CTIF: variants seen among roughly 807,000 people sequenced by gnomAD.
The protein encoded by CTIF is CBP80/20-dependent translation initiation factor.
Under a neutral mutation model 66.0 loss-of-function variants are expected in CTIF, and 21 were observed. The observed-to-expected ratio is 0.32, with a 90% CI of 0.23 to 0.46. The LOEUF is 0.46. CTIF is among the 20% of genes least tolerant of loss of function. The pLI is 1.00. For synonymous variants in CTIF, 345 were observed against 326.4 expected (o/e 1.06, Z -0.62); for missense variants, 739 against 812.7 (o/e 0.91, Z 1.10).
rs372229702 is a variant in CTIF, at chr18:48,817,368, C to T, written c.1519C>T (p.Leu507Phe). Residue 507 changes from leucine (L) to phenylalanine (F), a missense_variant, in exon 10 of 12, where the codon CTC becomes TTC. By Grantham distance (22) the Leu-to-Phe change is conservative. This residue lies in a region of CTIF where 210 missense variants were observed against 292.3 expected (regional missense o/e 0.72). Transcript: ENST00000256413. Reference protein sequence around the residue: ...RVLVCPIYTCLRELLQSQDVK... With the variant: ...RVLVCPIYTCFRELLQSQDVK... ...GCTCGTGTGCCCCATCTACACCTGC[C>T]TCAGGGAGGTAAGAGACCTGCCGCC... The T allele has an allele frequency of 4.7e-5, 76 of 1,611,048 alleles. No individual in the cohort carries two copies. Among genetic ancestry groups the T allele is most frequent in the Non-Finnish European group, 6.2e-5 (73 of 1,178,724 alleles).
chr18:48,605,251 T>C (rs1461263276), intron 1 of CTIF, among the ~76,000 whole-genome samples: 2 of 152,202 alleles, frequency 1.3e-5, no homozygotes, highest in Non-Finnish European at 2.9e-5. Context: ...CCATGAGCAG[T>C]GTTTGAGGAC....
At chr18:48,628,893 T>C (rs2090650391) in intron 2 of CTIF, among the ~76,000 whole-genome samples, 1 of 152,236 alleles carries the variant, frequency 6.6e-6, no homozygotes, top group South Asian at 2.1e-4. Context: ...GGATAGAGAA[T>C]GAGCTGCCAG....
At chr18:48,610,938 A>G (rs2090296936) in intron 1 of CTIF, among the ~76,000 whole-genome samples, 1 of 152,196 alleles carries the variant, frequency 6.6e-6, no homozygotes, top group African/African-American at 2.4e-5. Flanking sequence ...TAACTGCCTG[A>G]TGTTGATGAT....
intron 7 of CTIF, among the ~76,000 whole-genome samples, chr18:48,748,235 C>A (rs934440097): frequency 1.3e-5 from 2 of 152,062 alleles, no homozygotes; most frequent in Non-Finnish European, 2.9e-5. Context: ...TCTGCTCAAC[C>A]TCTCCCAAGG....
rs544788658 is a variant in CTIF, at chr18:48,818,740, C to CA, written c.1527+1365dup. 3.9e-3 allele frequency among the ~76,000 whole-genome samples: 600 copies of CA among 152,190 alleles called. 20 individuals carry two copies. The highest frequency in any genetic ancestry group is 0.036 in the Admixed American group (553 of 15,290). On this transcript the variant is annotated intron_variant, in intron 10 of 11. Transcript: ENST00000256413. Reference sequence around the variant, plus strand: ...CCTCCCCCATGTTGTACCCTCCCACCACCGGCAGGCCTCTGCAGGGGCTAC... The same window carrying CA: ...CCTCCCCCATGTTGTACCCTCCCACCAACCGGCAGGCCTCTGCAGGGGCTAC...
intron 7 of CTIF, among the ~76,000 whole-genome samples, chr18:48,741,064 A>G (rs1598959643): frequency 6.6e-6 from 1 of 152,240 alleles, no homozygotes; most frequent in South Asian, 2.1e-4. Flanking sequence ...ATGATTGAAT[A>G]AGCACATTTG....
intron 7 of CTIF, chr18:48,756,329 A>G (rs149962215): frequency 6.6e-6 from 1 of 152,244 alleles, no homozygotes; most frequent in Non-Finnish European, 1.5e-5. Flanking sequence ...CAGTGAAAAA[A>G]AAAATTTTAT....
At chr18:48,685,049 T>C (rs1300278319) in intron 6 of CTIF, among the ~76,000 whole-genome samples, 1 of 148,140 alleles carries the variant, frequency 6.8e-6, no homozygotes, top group African/African-American at 2.5e-5. Context: ...TTTTTTTTGG[T>C]TTAGAACCTA....
rs367919676 is a variant in CTIF, at chr18:48,779,520, A to T, written c.1371+17831A>T. Among the ~76,000 whole-genome samples, 4 of 152,334 alleles carry T rather than the reference A, an allele frequency of 2.6e-5. No homozygotes were observed. The East Asian group carries it at 7.7e-4, about 29-fold the overall frequency. ...AGTTATAAGGCTGAGGAGAGGTGAC[A>T]GGGAAACGAGATAAGAAACATGCCA... is the stretch of plus-strand genomic sequence containing the variant. On this transcript the variant is annotated intron_variant, in intron 9 of 11. Coordinates refer to ENST00000256413, the MANE Select transcript of CTIF (RefSeq NM_014772.3).
At chr18:48,794,385 G>C (rs1368645200) in intron 9 of CTIF, among the ~76,000 whole-genome samples, 1 of 152,122 alleles carries the variant, frequency 6.6e-6, no homozygotes, top group Non-Finnish European at 1.5e-5. Flanking sequence ...CCAGATCTAA[G>C]GGCCATCTGC....
At chr18:48,836,299 A>G (rs1040587584) in intron 10 of CTIF, among the ~76,000 whole-genome samples, 1 of 152,120 alleles carries the variant, frequency 6.6e-6, no homozygotes, top group Non-Finnish European at 1.5e-5. Flanking sequence ...CAGCCCCCAG[A>G]GAGGCCCTGG....
chr18:48,803,070 C>T (rs979845295), intron 9 of CTIF, among the ~76,000 whole-genome samples: 1 of 152,256 alleles, frequency 6.6e-6, no homozygotes, highest in African/African-American at 2.4e-5. Context: ...CTCTCTGCTG[C>T]AACCCAGCGC....
chr18:48,787,645 A>G (rs2146106253), intron 9 of CTIF, among the ~76,000 whole-genome samples: 1 of 152,224 alleles, frequency 6.6e-6, no homozygotes, highest in Admixed American at 6.5e-5. Context: ...CCCTCCTGAG[A>G]AGGAAGAAGA....
rs146209550 is a variant in CTIF, at chr18:48,818,242, G to A, written c.1527+866G>A. ...AGCCGAGTGGGGCTGCTTAGGCTGC[G>A]CAGCAAGAGGTTGGTGGCTTGGAAG... On this transcript the variant is annotated intron_variant, in intron 10 of 11. Transcript: ENST00000256413. Among the ~76,000 whole-genome samples, 47 of 152,340 alleles carry A rather than the reference G, an allele frequency of 3.1e-4. No homozygotes were observed. The East Asian group carries it at 6.2e-3, about 20-fold the overall frequency.
intron 1 of CTIF, among the ~76,000 whole-genome samples, chr18:48,560,911 A>G (rs1006474155): frequency 6.6e-6 from 1 of 152,056 alleles, no homozygotes; most frequent in African/African-American, 2.4e-5. Flanking sequence ...GTTTAGATTC[A>G]TCTTCTACTT....
At position 48,739,273 on chromosome 18, in the gene CTIF, G is replaced by T. The variant is rs1448492088; in HGVS notation, c.585-18646G>T. ...GGCAGAGTTAGCACAGGCCACAGTG[G>T]GTTATTGAGGGAAACTGGGGTGTCA... On this transcript the variant is annotated intron_variant, in intron 7 of 11. Coordinates refer to ENST00000256413, the MANE Select transcript of CTIF (RefSeq NM_014772.3). 2.6e-5 allele frequency among the ~76,000 whole-genome samples: 4 copies of T among 152,288 alleles called. No individual in the cohort carries two copies. The East Asian group carries it at 7.7e-4, about 29-fold the overall frequency.
rs565542325 is a variant in CTIF, at chr18:48,590,255, C to T, written c.-28-29283C>T. ...TGCTGCTCTGGGGCCACACTGGATG[C>T]CAGAAAGGGCAGAACACTGGCCCGG... On this transcript the variant is annotated intron_variant, in intron 1 of 11. Coordinates refer to ENST00000256413, the MANE Select transcript of CTIF (RefSeq NM_014772.3). Among the ~76,000 whole-genome samples, 3 of 152,304 alleles carry T rather than the reference C, an allele frequency of 2.0e-5. No homozygotes were observed. The South Asian group carries it at 6.2e-4, about 32-fold the overall frequency.
intron 7 of CTIF, among the ~76,000 whole-genome samples, chr18:48,748,101 T>C (rs1377949409): frequency 6.6e-6 from 1 of 152,104 alleles, no homozygotes; most frequent in Non-Finnish European, 1.5e-5. Context: ...TCTCAGCTAT[T>C]CCTACTAGAT....
At chr18:48,636,536 C>T (rs1185985533) in intron 2 of CTIF, 78 bp from the exon 3 acceptor site, 3 of 1,090,086 alleles carry the variant, frequency 2.8e-6, no homozygotes, top group East Asian at 6.1e-5. Flanking sequence ...AAGGCCAGGG[C>T]ACAACTCCTG....
Sources: gnomAD v4.1 joint callset for allele counts (sites outside exome capture counted in the v4.1 genomes callset) on GRCh38, gnomAD v4.1.1 for gene constraint, gnomAD v4.1.1 regional missense constraint, MANE v1.5 for transcripts, NCBI Gene and HGNC (gene_info 2026-07-23, HGNC 2026-07-21) for gene names.